ANKRD36: variants seen among roughly 807,000 people sequenced by gnomAD.
The protein encoded by ANKRD36 is ankyrin repeat domain-containing protein 36A.
In ANKRD36, 179 loss-of-function variants were observed where a neutral mutation model predicts 278.1. That is an observed-to-expected ratio of 0.64 (90% CI 0.57 to 0.73). The LOEUF is 0.73. ANKRD36 is among the 30% of genes least tolerant of loss of function. The pLI, the probability that ANKRD36 is intolerant of heterozygous loss-of-function variation, is 0.00. For synonymous variants in ANKRD36, 320 were observed against 641.1 expected (o/e 0.50, Z 7.57); for missense variants, 1,159 against 1,956.7 (o/e 0.59, Z 7.69).
intron 38 of ANKRD36, 29 bp downstream of exon 38, chr2:97,193,082 G>C (rs774156897): frequency 5.3e-6 from 8 of 1,503,748 alleles, no homozygotes; most frequent in African/African-American, 1.4e-5. Flanking sequence ...TTAATGTCAT[G>C]TTCAGTGCAG....
chr2:97,222,718 T>G (rs1278947259), intron 66 of ANKRD36, among the ~76,000 whole-genome samples: 1 of 152,130 alleles, frequency 6.6e-6, no homozygotes, highest in Non-Finnish European at 1.5e-5. Flanking sequence ...AAATTATACA[T>G]GTAAGGTACT....
At chr2:97,197,916 T>G (rs550751628) in intron 42 of ANKRD36, among the ~76,000 whole-genome samples, 2 of 152,032 alleles carry the variant, frequency 1.3e-5, no homozygotes, top group Non-Finnish European at 1.5e-5. Flanking sequence ...CTACTAGATA[T>G]CTGCAAACAT....
intron 38 of ANKRD36, among the ~76,000 whole-genome samples, chr2:97,194,341 T>A (rs541922225): frequency 6.6e-6 from 1 of 151,764 alleles, no homozygotes; most frequent in East Asian, 2.0e-4. Flanking sequence ...ATCCTTTTGA[T>A]TTGTTGCATG....
chr2:97,196,362 C>G (rs975926343), intron 40 of ANKRD36, among the ~76,000 whole-genome samples: 7 of 151,928 alleles, frequency 4.6e-5, no homozygotes, highest in Non-Finnish European at 1.0e-4. Context: ...GTTTTCGACA[C>G]ATGAGAAATC....
intron 64 of ANKRD36, among the ~76,000 whole-genome samples, chr2:97,217,833 C>T (rs1488183111): frequency 6.6e-6 from 1 of 151,552 alleles, no homozygotes; most frequent in African/African-American, 2.4e-5. Flanking sequence ...TTATTTTCAT[C>T]AAGAAAGAGG....
intron 6 of ANKRD36, among the ~76,000 whole-genome samples, chr2:97,141,289 CTT>C (rs1357965438): frequency 2.7e-5 from 4 of 147,656 alleles, no homozygotes; most frequent in East Asian, 2.0e-4. Context: ...AAAGAAGTCT[CTT>C]GTGATTTAGA....
chr2:97,206,792 T>G (rs2062976949), intron 52 of ANKRD36, among the ~76,000 whole-genome samples: 1 of 151,524 alleles, frequency 6.6e-6, no homozygotes, highest in Admixed American at 6.6e-5. Context: ...ATTACTCCCC[T>G]TTGTTACTAT....
intron 67 of ANKRD36, among the ~76,000 whole-genome samples, chr2:97,227,959 A>G (rs1186932973): frequency 6.6e-6 from 1 of 152,084 alleles, no homozygotes; most frequent in Non-Finnish European, 1.5e-5. Flanking sequence ...CGTATATTGA[A>G]CCAGCCTTGC....
intron 58 of ANKRD36, 119 bp downstream of exon 58, chr2:97,211,860 A>G (rs1180453537): frequency 3.1e-6 from 4 of 1,283,548 alleles, no homozygotes; most frequent in African/African-American, 3.0e-5. Flanking sequence ...TATTCCTGAG[A>G]TTATTCATTT....
chr2:97,224,445 T>TG (rs1245789964), intron 66 of ANKRD36, among the ~76,000 whole-genome samples: 2 of 144,666 alleles, frequency 1.4e-5, no homozygotes, highest in African/African-American at 4.9e-5. Flanking sequence ...TGTTTTTTTG[T>TG]TTTTTTGTTT....
intron 67 of ANKRD36, among the ~76,000 whole-genome samples, chr2:97,231,994 T>G (rs1200333212): frequency 6.6e-5 from 10 of 151,986 alleles, no homozygotes; most frequent in Non-Finnish European, 1.5e-4. Context: ...TAATGAATTA[T>G]TCAAGTTTAG....
intron 42 of ANKRD36, among the ~76,000 whole-genome samples, chr2:97,197,083 G>C (rs1186499062): frequency 1.3e-5 from 2 of 151,902 alleles, no homozygotes; most frequent in Non-Finnish European, 2.9e-5. Flanking sequence ...TCTCCAGCTT[G>C]TTTTCAGTAA....
At chr2:97,200,408 T>C (rs893585168) in intron 45 of ANKRD36, 45 bp from the exon 46 acceptor site, 2 of 1,602,516 alleles carry the variant, frequency 1.2e-6, no homozygotes, top group African/African-American at 2.7e-5. Flanking sequence ...ACGTATAGCC[T>C]ATGAAACATA....
chr2:97,193,475 C>A (rs2058984606), intron 38 of ANKRD36, among the ~76,000 whole-genome samples: 1 of 117,738 alleles, frequency 8.5e-6, no homozygotes, highest in Non-Finnish European at 2.1e-5. Context: ...CTAAGGAGAC[C>A]CCTGGTGTAG....
chr2:97,123,889 A>ATACAATATAT (rs1189579968), intron 4 of ANKRD36, among the ~76,000 whole-genome samples: 1 of 146,428 alleles, frequency 6.8e-6, no homozygotes, highest in African/African-American at 2.5e-5. Context: ...TATATATACT[A>ATACAATATAT]ATTTTATATA....
chr2:97,160,532 G>A lies in ANKRD36; in HGVS notation c.1390-1567G>A, dbSNP rs373478927. Among the ~76,000 whole-genome samples, 10 of 152,170 alleles carry A rather than the reference G, an allele frequency of 6.6e-5. No individual in the cohort carries two copies. The East Asian group carries it at 1.7e-3, about 26-fold the overall frequency. Reference sequence around the variant, plus strand: ...AAATAAATTTCTTCTCTCTTCATGTGAGTATTGGGTCCTGACTGACAGGCA... The same window carrying A: ...AAATAAATTTCTTCTCTCTTCATGTAAGTATTGGGTCCTGACTGACAGGCA... On this transcript the variant is annotated intron_variant, in intron 17 of 75. Transcript: ENST00000420699.
chr2:97,150,889 TCCCCC>T (rs2045775998), intron 12 of ANKRD36, among the ~76,000 whole-genome samples: 1 of 21,370 alleles, frequency 4.7e-5, no homozygotes. Context: ...TTTTTTTCTT[TCCCCC>T]TCTCTCTCTC....
intron 56 of ANKRD36, among the ~76,000 whole-genome samples, chr2:97,210,958 C>G (rs1477074821): frequency 6.6e-6 from 1 of 151,816 alleles, no homozygotes; most frequent in Non-Finnish European, 1.5e-5. Context: ...ATTATTACAC[C>G]ACATGGGGGT....
At position 97,185,322 on chromosome 2, in the gene ANKRD36, C is replaced by T; in HGVS notation, c.1946C>T (p.Ser649Phe). 1 of 1,606,698 alleles carries T rather than the reference C, an allele frequency of 6.2e-7. No homozygotes were observed. The highest frequency in any genetic ancestry group is 1.1e-5 in the South Asian group (1 of 90,792). The change falls in exon 29 of 76, where the codon TCT becomes TTT. Residue 649 changes from serine to phenylalanine, a missense_variant. By Grantham distance (155) the Ser-to-Phe change is radical. Coordinates refer to ENST00000420699, the MANE Select transcript of ANKRD36 (RefSeq NM_001354587.1). ...TATCCCTTTTGCTTTTCAGTGTCTT[C>T]TCAGAAACAACCAGCCTCAAAGGTA... ...MGGGKSGTVS[S>F]QKQPASKATS...
Sources: gnomAD v4.1 joint callset for allele counts (sites outside exome capture counted in the v4.1 genomes callset) on GRCh38, gnomAD v4.1.1 for gene constraint, MANE v1.5 for transcripts, NCBI Gene and HGNC (gene_info 2026-07-23, HGNC 2026-07-21) for gene names.